Variants in MARK4 observed in about 807,000 individuals in gnomAD.
MARK4 encodes the protein microtubule affinity regulating kinase 4.
Under a neutral mutation model 81.5 loss-of-function variants are expected in MARK4, and 19 were observed. The ratio of observed to expected loss-of-function variants is 0.23; its 90% CI spans 0.16 to 0.34. The LOEUF is 0.34. Among genes scored for constraint, MARK4 ranks in the 10% least tolerant of loss-of-function variants. The pLI, the probability that MARK4 is intolerant of heterozygous loss-of-function variation, is 1.00. For synonymous variants in MARK4, 436 were observed against 439.0 expected (o/e 0.99, Z 0.08); for missense variants, 772 against 1,058.8 (o/e 0.73, Z 3.76).
chr19:45,253,974 G>T (rs942673996), intron 1 of MARK4, among the ~76,000 whole-genome samples: 1 of 152,142 alleles, frequency 6.6e-6, no homozygotes, highest in Admixed American at 6.5e-5. Context: ...TTTGAGGATG[G>T]CTAATCCCCT....
chr19:45,299,789 C>G, intron 15 of MARK4, 22 bp from the exon 16 acceptor site: 1 of 1,585,654 alleles, frequency 6.3e-7, no homozygotes, highest in Non-Finnish European at 8.6e-7. Context: ...ATTAGACACT[C>G]TGTCCCCCTC....
At chr19:45,258,025 A>C (rs1599777474) in intron 1 of MARK4, among the ~76,000 whole-genome samples, 3 of 133,138 alleles carry the variant, frequency 2.3e-5, no homozygotes, top group Non-Finnish European at 3.1e-5. Context: ...TCACTCTATC[A>C]CTCTGGCTAG....
chr19:45,279,223 A>G (rs1351739725), intron 10 of MARK4, among the ~76,000 whole-genome samples: 1 of 151,958 alleles, frequency 6.6e-6, no homozygotes, highest in African/African-American at 2.4e-5. Context: ...GTGTCTCAAA[A>G]AAAGAAAAAA....
rs537983402 is a variant in MARK4, at chr19:45,280,631, C to T, written c.1173C>T (p.Ser391=). The T allele has an allele frequency of 2.2e-5, 36 of 1,613,992 alleles. No homozygotes were observed. Among genetic ancestry groups the T allele is most frequent in the Middle Eastern group, 3.3e-4 (2 of 6,082 alleles). The change falls in exon 12 of 17, where the codon AGC becomes AGT. Residue 391 remains serine (S), a synonymous_variant. Coordinates refer to ENST00000262891, the MANE Select transcript of MARK4 (RefSeq NM_001199867.2). ...GLALARVRAP[S]DTTNGTSSSK... ...CCCTGGCACGGGTGCGGGCGCCCAG[C>T]GACACCACCAACGGAACAAGTTCCA...
chr19:45,263,564 A>G (rs957391217), intron 4 of MARK4, among the ~76,000 whole-genome samples, 197 bp downstream of exon 4: 1 of 152,002 alleles, frequency 6.6e-6, no homozygotes, highest in Non-Finnish European at 1.5e-5. Context: ...CAACATGGTG[A>G]AACTCTGTCT....
intron 13 of MARK4, among the ~76,000 whole-genome samples, chr19:45,292,499 A>C (rs774002625): frequency 1.2e-4 from 18 of 152,192 alleles, no homozygotes; most frequent in Non-Finnish European, 2.5e-4. Context: ...CACAGTAAGC[A>C]CTCAGTGAAT....
chr19:45,300,967 G>C (rs1208462502), intron 16 of MARK4, among the ~76,000 whole-genome samples: 2 of 152,228 alleles, frequency 1.3e-5, no homozygotes, highest in African/African-American at 4.8e-5. Context: ...GTCCTGGGAT[G>C]CTCATGTAGA....
chr19:45,278,217 T>G (rs1049549997), intron 9 of MARK4, among the ~76,000 whole-genome samples, 175 bp downstream of exon 9: 1 of 152,000 alleles, frequency 6.6e-6, no homozygotes, highest in Non-Finnish European at 1.5e-5. Context: ...CTCCCAGGCC[T>G]GTCCTGACGC....
At chr19:45,266,891 C>A (rs1970461695) in intron 7 of MARK4, among the ~76,000 whole-genome samples, 1 of 151,550 alleles carries the variant, frequency 6.6e-6, no homozygotes, top group Admixed American at 6.6e-5. Flanking sequence ...CGCCACCAAG[C>A]CCGGCTAATT....
intron 14 of MARK4, among the ~76,000 whole-genome samples, 168 bp downstream of exon 14, chr19:45,294,620 C>T (rs530214348): frequency 5.9e-5 from 9 of 152,260 alleles, no homozygotes; most frequent in Non-Finnish European, 1.5e-5. Context: ...CCCTGAAAAT[C>T]CTCCCCACTT....
chr19:45,257,893 G>C lies in MARK4; in HGVS notation c.52-1096G>C, dbSNP rs571444846. On this transcript the variant is annotated intron_variant, in intron 1 of 16. Coordinates refer to ENST00000262891, the MANE Select transcript of MARK4 (RefSeq NM_001199867.2). ...TTTAGTAGAGATGGGGTTTCACCTT[G>C]TTAGCCAGGATGGTCTCAATCTCCT... Among the ~76,000 whole-genome samples, 4 of 147,994 alleles carry C rather than the reference G, an allele frequency of 2.7e-5. No individual in the cohort carries two copies. The East Asian group carries it at 8.2e-4, about 30-fold the overall frequency.
rs372848907 is a variant in MARK4 at position 45,302,328 on chromosome 19, TTC to T, written c.1923-45_1923-44del. On this transcript the variant is annotated intron_variant, in intron 16 of 16. Coordinates refer to ENST00000262891, the MANE Select transcript of MARK4 (RefSeq NM_001199867.2). The surrounding 1 kb of genome is among the most constrained non-coding windows in gnomAD (Gnocchi z 4.9). ...GTTGTCCCTTCAGCCCTCCACCACA[TTC>T]CTCTTCGCTCCCATCTCTGACCCCT... 3.2e-5 allele frequency: 51 copies of T among 1,613,266 alleles called. No individual in the cohort carries two copies. The African/African-American group carries it at 4.1e-4, about 13-fold the overall frequency.
rs377009401 is a variant in MARK4 at position 45,278,610 on chromosome 19, G to T, written c.1001G>T (p.Arg334Ile). 17 of 1,611,568 alleles carry T rather than the reference G, an allele frequency of 1.1e-5. No individual in the cohort carries two copies. The highest frequency in any genetic ancestry group is 1.4e-5 in the Non-Finnish European group (17 of 1,178,192). The change falls in exon 10 of 17, where the codon AGA (arginine) becomes ATA (isoleucine). Residue 334 changes from arginine to isoleucine, a missense_variant. Arg to Ile is a moderately conservative substitution (Grantham distance 97). Transcript: ENST00000262891. ...GAGGAGGACTTCGGGGACACCAAGA[G>T]AATTGGTGAGGGTCAGGGAGAGCCA... is the stretch of plus-strand genomic sequence containing the variant. ...EPEEDFGDTK[R>I]IEVMVGMGYT...
chr19:45,302,544 G>C lies in MARK4; in HGVS notation c.2093G>C (p.Cys698Ser). ...CRQPQPFLLA[C>S]LHGGAGGPEP... is the part of the protein sequence containing the mutation. ...CAGCCACAGCCGTTCCTGCTGGCCT[G>C]CCTGCACGGGGGTGCGGGCGGGCCC... Residue 698 changes from cysteine to serine, a missense_variant, in exon 17 of 17, where the codon TGC (cysteine) becomes TCC (serine). Transcript: ENST00000262891. The surrounding 1 kb of genome is among the most constrained non-coding windows in gnomAD (Gnocchi z 4.9). The C allele has an allele frequency of 1.3e-6, 2 of 1,597,298 alleles. No homozygotes were observed. Among genetic ancestry groups the C allele is most frequent in the Non-Finnish European group, 1.7e-6 (2 of 1,177,876 alleles).
chr19:45,293,366 G>A (rs755927593), intron 13 of MARK4, among the ~76,000 whole-genome samples: 5 of 152,112 alleles, frequency 3.3e-5, no homozygotes, highest in Admixed American at 1.3e-4. Flanking sequence ...CAATGAAAAG[G>A]GGAACTTTGT....
rs375656442 is a variant in MARK4 at position 45,271,047 on chromosome 19, G to T, written c.550-425G>T. ...GGCTTCCCAAAGTTCTGCGATTACA[G>T]GCGTGAGCCACGGTGCCCAGCCCAA... On this transcript the variant is annotated intron_variant, in intron 7 of 16. Coordinates refer to ENST00000262891, the MANE Select transcript of MARK4 (RefSeq NM_001199867.2). This position sits in a 1 kb window ranked among gnomAD's most constrained non-coding sequence, Gnocchi z 4.1. Among the ~76,000 whole-genome samples the T allele has an allele frequency of 6.6e-6, 1 of 152,198 alleles. No homozygotes were observed. The highest frequency in any genetic ancestry group is 1.9e-4 in the East Asian group (1 of 5,194).
chr19:45,255,954 C>T (rs1278997517), intron 1 of MARK4, among the ~76,000 whole-genome samples: 9 of 152,192 alleles, frequency 5.9e-5, no homozygotes, highest in Admixed American at 5.9e-4. Context: ...AGGTGACCTG[C>T]GGGGGAGAGA....
chr19:45,276,713 C>T (rs909850310), intron 8 of MARK4, among the ~76,000 whole-genome samples: 7 of 151,170 alleles, frequency 4.6e-5, no homozygotes, highest in Non-Finnish European at 7.4e-5. Context: ...GCAACCTCCG[C>T]CTCCTGGGTT....
chr19:45,261,828 GAGGCTGAGGCAGGAGA>G (rs983782281), intron 2 of MARK4, among the ~76,000 whole-genome samples: 9 of 152,194 alleles, frequency 5.9e-5, no homozygotes, highest in Admixed American at 4.6e-4. Flanking sequence ...AGATATTCGG[GAGGCTGAGGCAGGAGA>G]ATCCCTTGAA....
Sources: allele counts gnomAD v4.1 joint callset (sites outside exome capture counted in the v4.1 genomes callset), GRCh38; gene constraint gnomAD v4.1.1; non-coding constraint Gnocchi (gnomAD v3.1); transcripts MANE v1.5; gene names NCBI Gene and HGNC (gene_info 2026-07-23, HGNC 2026-07-21).